Variants in FHIT observed in about 807,000 individuals in gnomAD.
FHIT encodes fragile histidine triad diadenosine triphosphatase.
FHIT carries 19 observed loss-of-function variants against 17.9 expected under a neutral mutation model. That is an observed-to-expected ratio of 1.06 (90% CI 0.74 to 1.56). FHIT has a LOEUF of 1.56. FHIT is among the 40% of genes most tolerant of loss of function. FHIT has a pLI of 0.00. For synonymous variants in FHIT, 81 were observed against 69.7 expected (o/e 1.16, Z -0.81); for missense variants, 248 against 189.2 (o/e 1.31, Z -1.82).
chr3:60,288,264 G>A (rs1038014978), intron 5 of FHIT, among the ~76,000 whole-genome samples: 4 of 152,232 alleles, frequency 2.6e-5, no homozygotes, highest in South Asian at 4.1e-4. Flanking sequence ...CTCTGAAGAC[G>A]CACACTGTTG....
At chr3:60,688,472 C>T (rs1553698951) in intron 4 of FHIT, among the ~76,000 whole-genome samples, 1 of 150,160 alleles carries the variant, frequency 6.7e-6, no homozygotes, top group African/African-American at 2.5e-5. Context: ...GCTCTTACTG[C>T]CCCAGCTGGA....
intron 5 of FHIT, among the ~76,000 whole-genome samples, chr3:60,159,993 A>G (rs1700867008): frequency 6.6e-6 from 1 of 152,210 alleles, no homozygotes; most frequent in South Asian, 2.1e-4. Context: ...AATTACGGAC[A>G]TAGGATAAGA....
At chr3:60,184,359 T>A (rs1702074151) in intron 5 of FHIT, among the ~76,000 whole-genome samples, 1 of 151,816 alleles carries the variant, frequency 6.6e-6, no homozygotes, top group African/African-American at 2.4e-5. Context: ...TTATGTTGCT[T>A]AAGACTTTTC....
intron 5 of FHIT, among the ~76,000 whole-genome samples, chr3:60,493,884 A>G (rs1332248715): frequency 6.6e-6 from 1 of 152,210 alleles, no homozygotes; most frequent in African/African-American, 2.4e-5. Flanking sequence ...CCTGTGAGTC[A>G]CCAGAAGCTA....
At chr3:60,192,187 G>T (rs932041840) in intron 5 of FHIT, among the ~76,000 whole-genome samples, 2 of 148,844 alleles carry the variant, frequency 1.3e-5, no homozygotes, top group African/African-American at 5.0e-5. Context: ...GGAGGCGGAG[G>T]TTGCAGTGAG....
At chr3:60,226,562 G>A (rs558601694) in intron 5 of FHIT, among the ~76,000 whole-genome samples, 2 of 151,056 alleles carry the variant, frequency 1.3e-5, no homozygotes, top group African/African-American at 2.4e-5. Flanking sequence ...CTTTACTGTT[G>A]CTGCACACAA....
chr3:60,253,567 T>C (rs551752259), intron 5 of FHIT, among the ~76,000 whole-genome samples: 1 of 152,322 alleles, frequency 6.6e-6, no homozygotes, highest in South Asian at 2.1e-4. Flanking sequence ...TTGCAGTCAA[T>C]GATTTTCTCA....
chr3:60,606,036 A>G (rs1427041764), intron 4 of FHIT, among the ~76,000 whole-genome samples: 2 of 152,130 alleles, frequency 1.3e-5, no homozygotes, highest in African/African-American at 4.8e-5. Flanking sequence ...CTGCCTGACT[A>G]CTTTTAAGGA....
At chr3:60,353,938 A>T (rs947351280) in intron 5 of FHIT, among the ~76,000 whole-genome samples, 3 of 152,094 alleles carry the variant, frequency 2.0e-5, no homozygotes, top group African/African-American at 7.2e-5. Context: ...ACCTTAACAA[A>T]TTTTATATAT....
intron 5 of FHIT, among the ~76,000 whole-genome samples, chr3:60,445,144 C>T (rs1238893792): frequency 6.6e-6 from 1 of 152,024 alleles, no homozygotes; most frequent in Non-Finnish European, 1.5e-5. Flanking sequence ...GTAAGTATTG[C>T]TTGGAAAACA....
At chr3:61,167,975 A>G (rs2037891418) in intron 2 of FHIT, among the ~76,000 whole-genome samples, 1 of 152,198 alleles carries the variant, frequency 6.6e-6, no homozygotes, top group African/African-American at 2.4e-5. Flanking sequence ...TATATCCAGT[A>G]ACTATATCCC....
chr3:60,336,800 A>T (rs1013065899), intron 5 of FHIT, among the ~76,000 whole-genome samples: 1 of 152,044 alleles, frequency 6.6e-6, no homozygotes, highest in Non-Finnish European at 1.5e-5. Flanking sequence ...AAACTTAAAG[A>T]GAGAAGCAAA....
intron 2 of FHIT, among the ~76,000 whole-genome samples, chr3:61,058,300 T>C (rs2034297873): frequency 6.6e-6 from 1 of 152,250 alleles, no homozygotes; most frequent in African/African-American, 2.4e-5. Context: ...TATTCCATGA[T>C]AGTTTCCAAT....
chr3:60,452,904 A>G lies in FHIT; in HGVS notation c.103+83956T>C, dbSNP rs73836735. Among the ~76,000 whole-genome samples, 832 of 152,328 alleles carry G rather than the reference A, an allele frequency of 5.5e-3. 13 individuals carry two copies. Among genetic ancestry groups the G allele is most frequent in the African/African-American group, 0.017 (717 of 41,574 alleles). On this transcript the variant is annotated intron_variant, in intron 5 of 9. Transcript: ENST00000492590. ...AAGTGTCTTCAACAATGAAATATCT[A>G]AAGTTCATATAAAGACCTGACTCCA...
intron 2 of FHIT, among the ~76,000 whole-genome samples, chr3:61,104,001 G>A (rs2035917012): frequency 6.6e-6 from 1 of 151,648 alleles, no homozygotes; most frequent in Non-Finnish European, 1.5e-5. Context: ...GCACACTGAT[G>A]AGTCTTGGCT....
At chr3:60,344,025 C>A (rs1576507366) in intron 5 of FHIT, among the ~76,000 whole-genome samples, 2 of 152,162 alleles carry the variant, frequency 1.3e-5, no homozygotes, top group East Asian at 3.9e-4. Context: ...TACAGTTATC[C>A]AACAGAAGCT....
intron 5 of FHIT, among the ~76,000 whole-genome samples, chr3:60,154,052 T>G (rs1700579398): frequency 1.3e-5 from 2 of 152,236 alleles, no homozygotes; most frequent in African/African-American, 4.8e-5. Flanking sequence ...CGAAGGCACC[T>G]TCTTTGTTTA....
rs548180113 is a variant in FHIT, at chr3:59,851,032, G to C, written c.348+71314C>G. Among the ~76,000 whole-genome samples, 5 of 152,262 alleles carry C rather than the reference G, an allele frequency of 3.3e-5. No homozygotes were observed. In the East Asian group the frequency reaches 9.7e-4, roughly 29 times the overall value. Reference sequence around the variant, plus strand: ...TAAACAAAAATCAATGAAAAGAGCAGGGTCTTCTCTATTTTGGATTTGGAC... The same window carrying C: ...TAAACAAAAATCAATGAAAAGAGCACGGTCTTCTCTATTTTGGATTTGGAC... On this transcript the variant is annotated intron_variant, in intron 8 of 9. Coordinates refer to ENST00000492590, the MANE Select transcript of FHIT (RefSeq NM_002012.4).
rs923331107 is a variant in FHIT at position 60,789,289 on chromosome 3, C to T, written c.-18+32630G>A. On this transcript the variant is annotated intron_variant, in intron 4 of 9. Coordinates refer to ENST00000492590, the MANE Select transcript of FHIT (RefSeq NM_002012.4). ...ATCCCAGCATTTTGGGAGGCCAAGG[C>T]GGGTAGATCACGAGGTCAAGAGATC... is the stretch of plus-strand genomic sequence containing the variant. Among the ~76,000 whole-genome samples the T allele has an allele frequency of 7.9e-5, 12 of 151,714 alleles. No individual in the cohort carries two copies. In the East Asian group the frequency reaches 1.7e-3, roughly 22 times the overall value.
Sources: gnomAD v4.1 joint callset for allele counts (sites outside exome capture counted in the v4.1 genomes callset) on GRCh38, gnomAD v4.1.1 for gene constraint, MANE v1.5 for transcripts, NCBI Gene and HGNC (gene_info 2026-07-23, HGNC 2026-07-21) for gene names.